FARSA: variants seen among roughly 807,000 people sequenced by gnomAD.
FARSA encodes the protein phenylalanyl-tRNA synthetase subunit alpha.
In FARSA, 37 loss-of-function variants were observed where a neutral mutation model predicts 63.2. The ratio of observed to expected loss-of-function variants is 0.59; its 90% CI spans 0.45 to 0.77. The LOEUF (loss-of-function observed/expected upper bound fraction) is 0.77. Among genes scored for constraint, FARSA ranks in the 30% least tolerant of loss-of-function variants. The probability of loss-of-function intolerance (pLI) is 0.00; values close to 1 mark genes in which losing one functional copy is unlikely to be tolerated. For synonymous variants in FARSA, 312 were observed against 285.1 expected, an observed-to-expected ratio of 1.09 and a Z score of -0.95; for missense variants, 618 against 696.6, an observed-to-expected ratio of 0.89 and a Z score of 1.27.
chr19:12,933,662 C>A lies in FARSA; in HGVS notation c.35G>T (p.Arg12Leu). The A allele has an allele frequency of 6.4e-7, 1 of 1,567,066 alleles. No individual in the cohort carries two copies. The highest frequency in any genetic ancestry group is 8.6e-7 in the Non-Finnish European group (1 of 1,160,344). The change falls in exon 1 of 13, where the codon CGG (arginine) becomes CTG (leucine). Residue 12 changes from arginine to leucine, a missense_variant. Arg to Leu is a moderately radical substitution (Grantham distance 102). Coordinates refer to ENST00000314606, the MANE Select transcript of FARSA (RefSeq NM_004461.3). The part of the protein sequence containing the change: ...ADGQVAELLL[R>L]RLEASDGGLD... Reference sequence around the variant, plus strand: ...GCCGCCATCAGACGCCTCCAGCCGCCGGAGCAGCAGTTCCGCCACCTGACC... The same window carrying A: ...GCCGCCATCAGACGCCTCCAGCCGCAGGAGCAGCAGTTCCGCCACCTGACC...
chr19:12,929,396 G>A (rs1971365554), intron 4 of FARSA, among the ~76,000 whole-genome samples: 2 of 152,110 alleles, frequency 1.3e-5, no homozygotes, highest in South Asian at 4.1e-4. Context: ...CAGTAAAGAC[G>A]AGGTTTCACC....
At position 12,922,799 on chromosome 19, in the gene FARSA, C is replaced by A. The variant is rs1272651192; in HGVS notation, c.1476G>T (p.Leu492=). ...VNLQMVYDSP[L]CRLDAEPRPP... ...GCCTCGGCTCGGCATCCAGGCGGCA[C>A]AGGGGACTGTCATACACCATCTGCA... The change falls in exon 13 of 13, where the codon CTG becomes CTT. Residue 492 remains leucine, a synonymous_variant. Coordinates refer to ENST00000314606, the MANE Select transcript of FARSA (RefSeq NM_004461.3). 1 of 1,614,132 alleles carries A rather than the reference C, an allele frequency of 6.2e-7. No homozygotes were observed. Among genetic ancestry groups the A allele is most frequent in the Non-Finnish European group, 8.5e-7 (1 of 1,180,018 alleles).
At chr19:12,931,438 AT>A (rs1342353259) in intron 1 of FARSA, among the ~76,000 whole-genome samples, 2 of 151,854 alleles carry the variant, frequency 1.3e-5, no homozygotes, top group Non-Finnish European at 2.9e-5. Context: ...TAATTTTTGT[AT>A]TTTTAGTAGA....
intron 12 of FARSA, among the ~76,000 whole-genome samples, chr19:12,923,737 C>T (rs1971292435): frequency 6.6e-6 from 1 of 152,228 alleles, no homozygotes; most frequent in Non-Finnish European, 1.5e-5. Context: ...GCTTCAGCCA[C>T]CCACAGTGCT....
At chr19:12,922,939 G>A (rs1971281326) in intron 12 of FARSA, 53 bp from the exon 13 acceptor site, 1 of 1,610,772 alleles carries the variant, frequency 6.2e-7, no homozygotes, top group South Asian at 1.1e-5. Context: ...GCACCCTTCT[G>A]CTCAGATTTC....
At position 12,929,014 on chromosome 19, in the gene FARSA, T is replaced by C. The variant is rs192731649; in HGVS notation, c.504-167A>G. Reference sequence around the variant, plus strand: ...TCCTCCTATGTGACCATGCTGTATCTCCCTGTATTCACTCACTGATTCATT... The same window carrying C: ...TCCTCCTATGTGACCATGCTGTATCCCCCTGTATTCACTCACTGATTCATT... On this transcript the variant is annotated intron_variant, in intron 4 of 12. Coordinates refer to ENST00000314606, the MANE Select transcript of FARSA (RefSeq NM_004461.3). Among the ~76,000 whole-genome samples the C allele has an allele frequency of 1.4e-4, 22 of 152,278 alleles. No homozygotes were observed. The East Asian group carries it at 4.1e-3, about 28-fold the overall frequency.
chr19:12,926,463 C>T (rs1412882149), intron 7 of FARSA, among the ~76,000 whole-genome samples: 1 of 150,834 alleles, frequency 6.6e-6, no homozygotes, highest in Non-Finnish European at 1.5e-5. Context: ...TTGGTAGAGA[C>T]GGGGTTTCAC....
rs754658085 is a variant in FARSA at position 12,924,243 on chromosome 19, G to C, written c.1296C>G (p.Val432=). The change falls in exon 12 of 13, where the codon GTC becomes GTG. Residue 432 remains valine (V), a synonymous_variant. Coordinates refer to ENST00000314606, the MANE Select transcript of FARSA (RefSeq NM_004461.3). The surrounding 1 kb of genome is among the most constrained non-coding windows in gnomAD (Gnocchi z 6.4). ...YHQGLKKWVE[V]GNSGVFRPEM... is the part of the protein sequence containing the mutation. ...CTGGACGGAAGACCCCCGAGTTTCC[G>C]ACCTCCACCCACTTCTTCAGGCCTG... 2 of 1,614,060 alleles carry C rather than the reference G, an allele frequency of 1.2e-6. No homozygotes were observed. The highest frequency in any genetic ancestry group is 1.7e-6 in the Non-Finnish European group (2 of 1,179,994).
intron 12 of FARSA, 116 bp from the exon 13 acceptor site, chr19:12,923,002 A>G: frequency 7.1e-7 from 1 of 1,415,790 alleles, no homozygotes; most frequent in South Asian, 1.3e-5. Flanking sequence ...CATGACCCAC[A>G]GGGCCCTGCG....
chr19:12,927,420 G>GAACAA (rs1335701612), intron 7 of FARSA, among the ~76,000 whole-genome samples: 2 of 151,806 alleles, frequency 1.3e-5, no homozygotes, highest in Non-Finnish European at 2.9e-5. Flanking sequence ...AACATAGTGA[G>GAACAA]AACAAAACAA....
intron 7 of FARSA, among the ~76,000 whole-genome samples, chr19:12,927,080 G>GCAAT (rs1182199853): frequency 6.6e-6 from 1 of 152,212 alleles, no homozygotes; most frequent in East Asian, 1.9e-4. Flanking sequence ...AGTGCTAAGG[G>GCAAT]CAATGAAAGA....
In FARSA at chr19:12,928,382, C is replaced by T. The variant is rs1385800414; in HGVS notation, c.801G>A (p.Gln267=). The T allele has an allele frequency of 6.2e-7, 1 of 1,614,120 alleles. No homozygotes were observed. Among genetic ancestry groups the T allele is most frequent in the East Asian group, 2.2e-5 (1 of 44,856 alleles). Residue 267 remains glutamine (Q), a synonymous_variant, in exon 7 of 13, where the codon CAG becomes CAA. Coordinates refer to ENST00000314606, the MANE Select transcript of FARSA (RefSeq NM_004461.3). Reference sequence around the variant, plus strand: ...TGTCGTGCTGGTCACGGGCTGGGTGCTGCTGGGGCTGGAAGAGGGCGTCAA... The same window carrying T: ...TGTCGTGCTGGTCACGGGCTGGGTGTTGCTGGGGCTGGAAGAGGGCGTCAA... ...WNFDALFQPQ[Q]HPARDQHDTF... is the part of the protein sequence containing the mutation.
chr19:12,926,552 C>T (rs1032574629), intron 7 of FARSA, among the ~76,000 whole-genome samples: 1 of 151,942 alleles, frequency 6.6e-6, no homozygotes, highest in African/African-American at 2.4e-5. Flanking sequence ...GGATTACAGG[C>T]GTGAGCCACC....
At chr19:12,929,869 C>T (rs150672569) in intron 4 of FARSA, among the ~76,000 whole-genome samples, 152 of 152,186 alleles carry the variant, frequency 1.0e-3, no homozygotes, top group African/African-American at 3.0e-3. Flanking sequence ...CTTTGGACCA[C>T]ACTAAGGACA....
At chr19:12,932,100 G>A (rs992303235) in intron 1 of FARSA, among the ~76,000 whole-genome samples, 4 of 142,848 alleles carry the variant, frequency 2.8e-5, no homozygotes, top group East Asian at 2.1e-4. Context: ...GTGCGATCTC[G>A]GCTCACTGCA....
At position 12,923,526 on chromosome 19, in the gene FARSA, A is replaced by G. The variant is rs544764607; in HGVS notation, c.1388+625T>C. Among the ~76,000 whole-genome samples, 8 of 152,172 alleles carry G rather than the reference A, an allele frequency of 5.3e-5. 1 individual carries two copies. In the South Asian group the frequency reaches 1.7e-3, roughly 32 times the overall value. On this transcript the variant is annotated intron_variant, in intron 12 of 12. Transcript: ENST00000314606. ...GTCACACTCTGTTGTCTAGACTAGA[A>G]TAGAGTGCAGTGGCATGATCTTGGC...
rs1227248695 is a variant in FARSA, at chr19:12,928,347, A to G, written c.836T>C (p.Leu279Pro). ...PARDQHDTFF[L>P]RDPAEALQLP... The stretch of plus-strand genomic sequence containing the variant: ...GGCCCTAGGGGCTGACCCACCTCGA[A>G]GGAAGAAGGTGTCGTGCTGGTCACG... Residue 279 changes from leucine (L) to proline (P), a missense_variant, in exon 7 of 13, where the codon CTT (leucine) becomes CCT (proline). By Grantham distance (98) the Leu-to-Pro change is moderately conservative (BLOSUM62 -3). Coordinates refer to ENST00000314606, the MANE Select transcript of FARSA (RefSeq NM_004461.3). 2 of 1,613,640 alleles carry G rather than the reference A, an allele frequency of 1.2e-6. No homozygotes were observed. The highest frequency in any genetic ancestry group is 1.7e-6 in the Non-Finnish European group (2 of 1,179,890).
At chr19:12,925,062 C>T (rs556661125) in intron 8 of FARSA, 28 bp downstream of exon 8, 1 of 1,612,592 alleles carries the variant, frequency 6.2e-7, no homozygotes, top group African/African-American at 1.3e-5. Context: ...GCCTCCTTCC[C>T]TTCCATACCA....
intron 7 of FARSA, among the ~76,000 whole-genome samples, chr19:12,926,210 C>T (rs1420151478): frequency 6.7e-6 from 1 of 149,280 alleles, no homozygotes. Flanking sequence ...CGTGGCCTCC[C>T]AAAGTGCTGG....
Sources: gnomAD v4.1 joint callset for allele counts (sites outside exome capture counted in the v4.1 genomes callset) on GRCh38, gnomAD v4.1.1 for gene constraint, Gnocchi (gnomAD v3.1) non-coding constraint, MANE v1.5 for transcripts, NCBI Gene and HGNC (gene_info 2026-07-23, HGNC 2026-07-21) for gene names.